Variants in CRISPLD2 observed in about 807,000 individuals in gnomAD.
CRISPLD2 encodes cysteine rich secretory protein LCCL domain containing 2.
CRISPLD2 carries 47 observed loss-of-function variants against 71.1 expected under a neutral mutation model. The ratio of observed to expected loss-of-function variants is 0.66; its 90% CI spans 0.52 to 0.84. The LOEUF is 0.84. Among genes scored for constraint, CRISPLD2 ranks in the 40% least tolerant of loss-of-function variants. The pLI is 0.00. For synonymous variants in CRISPLD2, 317 were observed against 250.1 expected (o/e 1.27, Z -2.52); for missense variants, 830 against 651.1 (o/e 1.27, Z -2.99).
In CRISPLD2 at chr16:84,903,483, T is replaced by A. The variant is rs1661096869; in HGVS notation, c.1440-3105T>A. The stretch of plus-strand genomic sequence containing the variant: ...GGCGCATGCCTGTAATTCCAGCTAG[T>A]TGAGAGGCTGAGGCAGGAGAATCGC... On this transcript the variant is annotated intron_variant, in intron 14 of 14. Transcript: ENST00000262424. Among the ~76,000 whole-genome samples the A allele has an allele frequency of 2.6e-5, 4 of 151,902 alleles. No homozygotes were observed. The South Asian group carries it at 8.3e-4, about 32-fold the overall frequency.
intron 8 of CRISPLD2, among the ~76,000 whole-genome samples, chr16:84,869,239 C>G (rs536039936): frequency 1.9e-4 from 29 of 152,202 alleles, no homozygotes; most frequent in African/African-American, 5.8e-4. Context: ...TGAACGCTGT[C>G]TGCCAAAAAG....
At chr16:84,893,057 T>C (rs760383906) in intron 14 of CRISPLD2, among the ~76,000 whole-genome samples, 7 of 151,182 alleles carry the variant, frequency 4.6e-5, no homozygotes, top group African/African-American at 1.5e-4. Flanking sequence ...GCACAGATGA[T>C]TGAGCCCTAG....
intron 1 of CRISPLD2, among the ~76,000 whole-genome samples, chr16:84,821,400 G>A (rs966725794): frequency 1.3e-5 from 2 of 152,170 alleles, no homozygotes; most frequent in Non-Finnish European, 2.9e-5. Flanking sequence ...GCAGGCACGC[G>A]GTCTGTGCCA....
chr16:84,905,705 CTCTT>C (rs1404793979), intron 14 of CRISPLD2, among the ~76,000 whole-genome samples: 6 of 100,686 alleles, frequency 6.0e-5, no homozygotes, highest in Admixed American at 5.5e-4. Context: ...ACCAATAAAG[CTCTT>C]TTTTTTTTTT....
intron 14 of CRISPLD2, among the ~76,000 whole-genome samples, chr16:84,896,569 C>T (rs945138859): frequency 2.0e-5 from 3 of 151,874 alleles, no homozygotes; most frequent in Non-Finnish European, 4.4e-5. Context: ...TAAAATAGGC[C>T]TGTGTTAGGT....
chr16:84,906,986 G>T lies in CRISPLD2; in HGVS notation c.*344G>T. On this transcript the variant is annotated 3_prime_UTR_variant, in exon 15 of 15. Transcript: ENST00000262424. Reference sequence around the variant, plus strand: ...TGTTCTTCTGTTGGTGGAGGAAGTTGATTTCAACCTCCCTGCCAAAAGAAC... The same window carrying T: ...TGTTCTTCTGTTGGTGGAGGAAGTTTATTTCAACCTCCCTGCCAAAAGAAC... 3.2e-6 allele frequency: 1 copy of T among 309,700 alleles called. No homozygotes were observed. Among genetic ancestry groups the T allele is most frequent in the South Asian group, 3.8e-5 (1 of 26,628 alleles). 19.2% of individuals were successfully genotyped at this position (309,700 alleles called of 1,614,324 possible).
At chr16:84,882,088 A>G (rs766430101) in intron 13 of CRISPLD2, among the ~76,000 whole-genome samples, 4 of 152,208 alleles carry the variant, frequency 2.6e-5, no homozygotes, top group Non-Finnish European at 5.9e-5. Context: ...TGTTTGAACC[A>G]AATTCTACCA....
intron 8 of CRISPLD2, among the ~76,000 whole-genome samples, 181 bp downstream of exon 8, chr16:84,869,092 G>A (rs367915108): frequency 3.2e-4 from 48 of 152,330 alleles, no homozygotes; most frequent in Middle Eastern, 6.8e-3. Context: ...CGCCTCGGCC[G>A]TTGGCAGATC....
At chr16:84,874,796 C>G (rs1193845541) in intron 11 of CRISPLD2, among the ~76,000 whole-genome samples, 1 of 152,134 alleles carries the variant, frequency 6.6e-6, no homozygotes, top group Admixed American at 6.6e-5. Flanking sequence ...ATTCCAGCAG[C>G]CAGAGATAAC....
intron 14 of CRISPLD2, among the ~76,000 whole-genome samples, chr16:84,889,853 A>G (rs1004734591): frequency 6.6e-6 from 1 of 152,028 alleles, no homozygotes; most frequent in African/African-American, 2.4e-5. Flanking sequence ...ATAAAGCTAC[A>G]TCGTAATATA....
chr16:84,838,814 C>T (rs542214280), intron 2 of CRISPLD2, 79 bp downstream of exon 2: 2 of 1,526,922 alleles, frequency 1.3e-6, no homozygotes, highest in South Asian at 1.2e-5. Flanking sequence ...CCCCAGCCAG[C>T]TCTGTTCCCC....
chr16:84,893,373 C>A (rs11149692), intron 14 of CRISPLD2, among the ~76,000 whole-genome samples: 46 of 152,228 alleles, frequency 3.0e-4, no homozygotes, highest in Non-Finnish European at 6.0e-4. Flanking sequence ...TGGCTGGATC[C>A]TAAGAAATGG....
At chr16:84,898,660 C>T (rs187176637) in intron 14 of CRISPLD2, among the ~76,000 whole-genome samples, 19 of 152,336 alleles carry the variant, frequency 1.2e-4, no homozygotes, top group African/African-American at 4.1e-4. Context: ...CTTCTCACCC[C>T]ACCCCAGACT....
rs1597492401 is a variant in CRISPLD2 at position 84,908,537 on chromosome 16, C to T, written c.*1895C>T. On this transcript the variant is annotated 3_prime_UTR_variant, in exon 15 of 15. Transcript: ENST00000262424. ...GATCCCAGTGGGCTCGCTTCCAAAG[C>T]ATCCCACTCAAGGGAGACTTGAAAC... The T allele has an allele frequency of 6.6e-6, 1 of 152,238 alleles. No individual in the cohort carries two copies. Among genetic ancestry groups the T allele is most frequent in the Non-Finnish European group, 1.5e-5 (1 of 68,058 alleles). The allele number at this position is 152,238 out of a possible 1,614,324, so 9.4% of individuals were successfully genotyped here. A position where few individuals can be genotyped will look rare whatever the true frequency, so the allele number is the denominator to read the frequency against.
chr16:84,837,638 C>T (rs1026829706), intron 1 of CRISPLD2, among the ~76,000 whole-genome samples: 7 of 152,016 alleles, frequency 4.6e-5, no homozygotes, highest in African/African-American at 1.2e-4. Context: ...AGGATGGTCT[C>T]GATCTCCTGA....
chr16:84,860,009 CT>C (rs1917338752), intron 6 of CRISPLD2, among the ~76,000 whole-genome samples: 1 of 152,208 alleles, frequency 6.6e-6, no homozygotes, highest in African/African-American at 2.4e-5. Flanking sequence ...AAGGGTATAT[CT>C]TCTGGATTCT....
chr16:84,902,919 C>G (rs564724787), intron 14 of CRISPLD2, among the ~76,000 whole-genome samples: 2,027 of 151,538 alleles, frequency 0.013, 46 homozygotes, highest in African/African-American at 0.047. Flanking sequence ...ATTACTGGTG[C>G]CTGCCACCAC....
intron 14 of CRISPLD2, among the ~76,000 whole-genome samples, chr16:84,895,597 T>C (rs558904055): frequency 1.3e-5 from 2 of 152,182 alleles, no homozygotes; most frequent in African/African-American, 4.8e-5. Context: ...CTGAAACTTT[T>C]CCCCCCTAAG....
At chr16:84,823,772 A>G (rs2131755) in intron 1 of CRISPLD2, among the ~76,000 whole-genome samples, 67,380 of 151,862 alleles carry the variant, frequency 0.44, 15,560 homozygotes, top group African/African-American at 0.57. Context: ...AGTCAGAGGG[A>G]AAAAAAACGT....
Sources: allele counts gnomAD v4.1 joint callset (sites outside exome capture counted in the v4.1 genomes callset), GRCh38; gene constraint gnomAD v4.1.1; transcripts MANE v1.5; gene names NCBI Gene and HGNC (gene_info 2026-07-23, HGNC 2026-07-21).